C1S: variants seen among roughly 807,000 people sequenced by gnomAD.
C1S encodes the protein complement C1s.
Under a neutral mutation model 54.0 loss-of-function variants are expected in C1S, and 31 were observed. That is an observed-to-expected ratio of 0.57 (90% confidence interval 0.43 to 0.78). C1S has a LOEUF of 0.78. Among genes scored for constraint, C1S ranks in the 30% least tolerant of loss-of-function variants. The pLI is 0.00. For synonymous variants in C1S, 292 were observed against 303.6 expected, an observed-to-expected ratio of 0.96 and a Z score of 0.40; for missense variants, 727 against 851.8, an observed-to-expected ratio of 0.85 and a Z score of 1.82.
chr12:7,063,249 GTGA>G (rs1555161581), intron 4 of C1S, among the ~76,000 whole-genome samples, 182 bp downstream of exon 4: 2 of 152,178 alleles, frequency 1.3e-5, no homozygotes, highest in Non-Finnish European at 2.9e-5. Context: ...TATCTTAGTG[GTGA>G]TGATGATCAT....
intron 8 of C1S, 107 bp from the exon 9 acceptor site, chr12:7,066,932 G>A (rs913129197): frequency 1.3e-5 from 11 of 828,456 alleles, no homozygotes; most frequent in Non-Finnish European, 2.1e-5. Flanking sequence ...CAAGCTTCTT[G>A]TGGTGAGGAC....
intron 9 of C1S, 116 bp from the exon 10 acceptor site, chr12:7,067,527 C>T: frequency 1.7e-6 from 2 of 1,202,566 alleles, no homozygotes; most frequent in Non-Finnish European, 1.2e-6. Flanking sequence ...GGAGGTTCAT[C>T]CCAGGTGTGC....
intron 7 of C1S, 39 bp downstream of exon 7, chr12:7,066,009 A>G (rs782392228): frequency 4.7e-5 from 74 of 1,575,734 alleles, no homozygotes; most frequent in Non-Finnish European, 6.4e-5. Context: ...TGGTGATACC[A>G]AAGTCCCCAA....
chr12:7,065,776 C>T, intron 6 of C1S, 41 bp from the exon 7 acceptor site: 7 of 1,591,220 alleles, frequency 4.4e-6, no homozygotes, highest in Non-Finnish European at 5.2e-6. Flanking sequence ...TACCTCTTCC[C>T]TTTAGTTCTT....
At chr12:7,069,735 A>C in intron 11 of C1S, 120 bp from the exon 12 acceptor site, 1 of 887,280 alleles carries the variant, frequency 1.1e-6, no homozygotes, top group Non-Finnish European at 1.9e-6. Context: ...AATAGGGTTG[A>C]CTATTTTGTA....
At chr12:7,062,026 T>G (rs1555161340) in intron 2 of C1S, 109 bp downstream of exon 2, 3 of 1,112,540 alleles carry the variant, frequency 2.7e-6, no homozygotes, top group Non-Finnish European at 4.1e-6. Flanking sequence ...CCCCAGCACT[T>G]TGGGAGGCTG....
intron 1 of C1S, 42 bp from the exon 2 acceptor site, chr12:7,061,797 T>C (rs781884569): frequency 2.6e-6 from 3 of 1,150,738 alleles, no homozygotes; most frequent in Non-Finnish European, 3.9e-6. Flanking sequence ...AGAAGGTGCT[T>C]GTGTTTGTCA....
intron 7 of C1S, 29 bp downstream of exon 7, chr12:7,065,999 T>C (rs781972079): frequency 6.2e-7 from 1 of 1,601,874 alleles, no homozygotes; most frequent in African/African-American, 1.3e-5. Flanking sequence ...CCTCTTTGGT[T>C]GGTGATACCA....
At position 7,070,011 on chromosome 12, in the gene C1S, T is replaced by C; in HGVS notation, c.1427T>C (p.Val476Ala). The C allele has an allele frequency of 1.2e-6, 2 of 1,614,174 alleles. No individual in the cohort carries two copies. Among genetic ancestry groups the C allele is most frequent in the Non-Finnish European group, 1.7e-6 (2 of 1,180,026 alleles). The change falls in exon 12 of 12, where the codon GTT (valine) becomes GCT (alanine). Residue 476 changes from valine (V) to alanine (A), a missense_variant. This residue lies in a region of C1S where 360 missense variants were observed against 453.6 expected (regional missense o/e 0.79). Transcript: ENST00000360817. This position sits in a 1 kb window ranked among gnomAD's most constrained non-coding sequence, Gnocchi z 4.9. ...TACTGGGTGCTGACGGCTGCTCATGTTGTGGAGGGAAACAGGGAGCCAACA... is the reference window on the plus strand; with the variant it reads ...TACTGGGTGCTGACGGCTGCTCATGCTGTGGAGGGAAACAGGGAGCCAACA... ...NEYWVLTAAH[V>A]VEGNREPTMY...
rs1555161740 is a variant in C1S at position 7,064,285 on chromosome 12, A to G, written c.410A>G (p.Asp137Gly). Residue 137 changes from aspartate (D) to glycine (G), a missense_variant, in exon 5 of 12, where the codon GAT (aspartate) becomes GGT (glycine). By Grantham distance (94) the Asp-to-Gly change is moderately conservative (BLOSUM62 -1). Coordinates refer to ENST00000360817, the MANE Select transcript of C1S (RefSeq NM_001734.5). The part of the protein sequence containing the change: ...YVATDINECT[D>G]FVDVPCSHFC... The stretch of plus-strand genomic sequence containing the variant: ...TTTGTAGACATAAATGAATGCACAG[A>G]TTTTGTAGATGTCCCTTGTAGCCAC... 3 of 1,614,016 alleles carry G rather than the reference A, an allele frequency of 1.9e-6. No homozygotes were observed. The highest frequency in any genetic ancestry group is 2.5e-6 in the Non-Finnish European group (3 of 1,179,938).
rs1388327753 is a variant in C1S at position 7,068,878 on chromosome 12, TTATTA to T, written c.1270+354_1270+358del. 3 of 305,954 alleles carry T rather than the reference TTATTA, an allele frequency of 9.8e-6. No homozygotes were observed. In the East Asian group the frequency reaches 1.9e-4, roughly 19 times the overall value. The allele number at this position is 305,954 out of a possible 1,614,324, so 19.0% of individuals were successfully genotyped here. A position where few individuals can be genotyped will look rare whatever the true frequency, so the allele number is the denominator to read the frequency against. On this transcript the variant is annotated intron_variant, in intron 11 of 11. Transcript: ENST00000360817. Reference sequence around the variant, plus strand: ...AAACAAGTCTAGCTAAATAGCCTAGTTATTATATTAAAAGTTTATAGGGCAGCAAG... The same window carrying T: ...AAACAAGTCTAGCTAAATAGCCTAGTTATTAAAAGTTTATAGGGCAGCAAG...
In C1S at chr12:7,062,614, G is replaced by A. The variant is rs782013737; in HGVS notation, c.145G>A (p.Gly49Arg). The change falls in exon 3 of 12, where the codon GGG (glycine) becomes AGG (arginine). Residue 49 changes from glycine to arginine, a missense_variant. Gly to Arg is a moderately radical substitution (Grantham distance 125, BLOSUM62 -2). Transcript: ENST00000360817. ...GGACATAGAAGTTCCTGAAGGGTAT[G>A]GGATTCACCTCTACTTCACCCATCT... ...SWDIEVPEGYGIHLYFTHLDI... is the reference protein window; with the variant it reads ...SWDIEVPEGYRIHLYFTHLDI... 3.1e-6 allele frequency: 5 copies of A among 1,614,034 alleles called. No individual in the cohort carries two copies. In the Admixed American group the frequency reaches 8.3e-5, roughly 27 times the overall value.
chr12:7,064,382 G>C lies in C1S; in HGVS notation c.507G>C (p.Lys169Asn), dbSNP rs781790019. ...AATATTTCCTCCATGATGACATGAA[G>C]AATTGCGGAGGTGAGCTTGGTGTTA... ...PPEYFLHDDM[K>N]NCGVNCSGDV... The change falls in exon 5 of 12, where the codon AAG becomes AAC. Residue 169 changes from lysine to asparagine, a missense_variant. By Grantham distance (94) the Lys-to-Asn change is moderately conservative (BLOSUM62 0). This residue lies in a region of C1S where 357 missense variants were observed against 365.4 expected (regional missense o/e 0.98). Transcript: ENST00000360817. The C allele has an allele frequency of 6.2e-7, 1 of 1,614,130 alleles. No individual in the cohort carries two copies. The highest frequency in any genetic ancestry group is 8.5e-7 in the Non-Finnish European group (1 of 1,180,016).
In C1S at chr12:7,061,897, G is replaced by A; in HGVS notation, c.-16G>A. The A allele has an allele frequency of 6.2e-7, 1 of 1,613,896 alleles. No homozygotes were observed. Among genetic ancestry groups the A allele is most frequent in the Non-Finnish European group, 8.5e-7 (1 of 1,179,898 alleles). On this transcript the variant is annotated 5_prime_UTR_variant, in exon 2 of 12. Coordinates refer to ENST00000360817, the MANE Select transcript of C1S (RefSeq NM_001734.5). The stretch of plus-strand genomic sequence containing the variant: ...CAAGAGACAGGCAGCTCACCAGGGT[G>A]GACAAATCGCCAGAGATGTGGTAAG...
At chr12:7,065,364 A>AGAAAT (rs1555161992) in intron 6 of C1S, 65 bp downstream of exon 6, 26 of 1,290,318 alleles carry the variant, frequency 2.0e-5, no homozygotes, top group Non-Finnish European at 2.7e-5. Flanking sequence ...CTGAAGACAA[A>AGAAAT]TTTTTTTTTC....
At position 7,061,865 on chromosome 12, in the gene C1S, C is replaced by T; in HGVS notation, c.-48C>T. ...CTCCAAAGTCCGGAGGTGCAGAAAG[C>T]CAGGACCAAGAGACAGGCAGCTCAC... On this transcript the variant is annotated 5_prime_UTR_variant, in exon 2 of 12. Transcript: ENST00000360817. 6.2e-7 allele frequency: 1 copy of T among 1,613,020 alleles called. No homozygotes were observed. Among genetic ancestry groups the T allele is most frequent in the Non-Finnish European group, 8.5e-7 (1 of 1,179,172 alleles).
chr12:7,066,857 C>T, intron 8 of C1S, 182 bp from the exon 9 acceptor site: 1 of 707,928 alleles, frequency 1.4e-6, no homozygotes. Flanking sequence ...GGGGAGTTGA[C>T]ACGTTGGGGC....
intron 9 of C1S, 102 bp downstream of exon 9, chr12:7,067,219 A>T (rs1937690666): frequency 1.1e-6 from 1 of 895,030 alleles, no homozygotes. Flanking sequence ...TAGGCATGTG[A>T]GGGAGTGGGT....
intron 4 of C1S, 30 bp downstream of exon 4, chr12:7,063,097 T>C (rs782077970): frequency 3.1e-6 from 5 of 1,587,938 alleles, no homozygotes; most frequent in Admixed American, 1.7e-5. Flanking sequence ...ATGTGCCTTA[T>C]TGACCCAGCT....
Sources: gnomAD v4.1 joint callset for allele counts (sites outside exome capture counted in the v4.1 genomes callset) on GRCh38, gnomAD v4.1.1 for gene constraint, gnomAD v4.1.1 regional missense constraint, Gnocchi (gnomAD v3.1) non-coding constraint, MANE v1.5 for transcripts, NCBI Gene and HGNC (gene_info 2026-07-23, HGNC 2026-07-21) for gene names.